SDCBP: variants seen among roughly 807,000 people sequenced by gnomAD.
The protein encoded by SDCBP is syntenin-1.
In SDCBP, 22 loss-of-function variants were observed where a neutral mutation model predicts 30.5. The observed-to-expected ratio is 0.72, with a 90% CI of 0.52 to 1.03. SDCBP has a LOEUF of 1.03. Among genes scored for constraint, SDCBP ranks in the 50% least tolerant of loss-of-function variants. The pLI, the probability that SDCBP is intolerant of heterozygous loss-of-function variation, is 0.00. For synonymous variants in SDCBP, 103 were observed against 118.7 expected (o/e 0.87, Z 0.86); for missense variants, 304 against 369.9 (o/e 0.82, Z 1.46).
At position 58,563,456 on chromosome 8, in the gene SDCBP, G is replaced by A. The variant is rs182546160; in HGVS notation, c.-15-1563G>A. 2.0e-3 allele frequency among the ~76,000 whole-genome samples: 301 copies of A among 152,098 alleles called. 1 individual carries two copies. The highest frequency in any genetic ancestry group is 6.8e-3 in the African/African-American group (281 of 41,500). ...GGAGGCATGAGTTTTCTTTTGGGGA[G>A]GATGGAAATATTCAAAGATAGGTAG... On this transcript the variant is annotated intron_variant, in intron 1 of 8. Coordinates refer to ENST00000260130, the MANE Select transcript of SDCBP (RefSeq NM_005625.4).
chr8:58,572,171 T>C (rs1805062308), intron 3 of SDCBP, 34 bp from the exon 4 acceptor site: 1 of 1,302,340 alleles, frequency 7.7e-7, no homozygotes, highest in East Asian at 2.3e-5. Context: ...GTGTATTCTG[T>C]AAGTGCTTTT....
intron 5 of SDCBP, among the ~76,000 whole-genome samples, chr8:58,576,855 G>A (rs1805363702): frequency 6.6e-6 from 1 of 152,178 alleles, no homozygotes; most frequent in South Asian, 2.1e-4. Context: ...AAAATTATAA[G>A]TGTGGTGCAC....
chr8:58,557,982 C>T (rs904806474), intron 1 of SDCBP, among the ~76,000 whole-genome samples: 1 of 152,086 alleles, frequency 6.6e-6, no homozygotes, highest in Admixed American at 6.6e-5. Flanking sequence ...TATAAAATTC[C>T]AGCCACAATT....
At chr8:58,571,335 G>C (rs537317012) in intron 3 of SDCBP, among the ~76,000 whole-genome samples, 1 of 152,184 alleles carries the variant, frequency 6.6e-6, no homozygotes, top group East Asian at 1.9e-4. Flanking sequence ...ATTGTCTTCT[G>C]TCTTTCCTAT....
At chr8:58,554,835 A>G (rs571515467) in intron 1 of SDCBP, among the ~76,000 whole-genome samples, 23 of 152,328 alleles carry the variant, frequency 1.5e-4, no homozygotes, top group African/African-American at 5.5e-4. Flanking sequence ...AGCATTTATT[A>G]ATTTCTTTTC....
intron 1 of SDCBP, among the ~76,000 whole-genome samples, chr8:58,559,595 T>C (rs987329229): frequency 6.6e-6 from 1 of 152,108 alleles, no homozygotes; most frequent in Non-Finnish European, 1.5e-5. Context: ...GTTTTTCCCT[T>C]AAGGACTGTA....
At chr8:58,553,975 T>C (rs576672338) in intron 1 of SDCBP, among the ~76,000 whole-genome samples, 7 of 152,198 alleles carry the variant, frequency 4.6e-5, no homozygotes, top group Admixed American at 1.3e-4. Flanking sequence ...CCCTGAGATA[T>C]GATGACTCAG....
At chr8:58,577,467 T>TA (rs1255539488) in intron 5 of SDCBP, among the ~76,000 whole-genome samples, 4 of 152,236 alleles carry the variant, frequency 2.6e-5, no homozygotes, top group Non-Finnish European at 5.9e-5. Flanking sequence ...GTGGATTTAA[T>TA]ATGCCCATCT....
rs1219387024 is a variant in SDCBP, at chr8:58,579,549, AT to A, written c.579-71del. The A allele has an allele frequency of 2.5e-6, 3 of 1,186,004 alleles. No individual in the cohort carries two copies. The Admixed American group carries it at 8.5e-5, about 34-fold the overall frequency. 73.5% of individuals were successfully genotyped at this position (1,186,004 alleles called of 1,614,324 possible). A position where few individuals can be genotyped will look rare whatever the true frequency, so the allele number is the denominator to read the frequency against. On this transcript the variant is annotated intron_variant, in intron 6 of 8. Coordinates refer to ENST00000260130, the MANE Select transcript of SDCBP (RefSeq NM_005625.4). ...TTATAAAAGTATCCAATATGGCAAC[AT>A]TTATGCTATATGAAATCCATTAAAA...
chr8:58,577,908 C>A lies in SDCBP; in HGVS notation c.403-125C>A, dbSNP rs566090130. The A allele has an allele frequency of 4.2e-6, 3 of 711,014 alleles. No individual in the cohort carries two copies. The African/African-American group carries it at 5.6e-5, about 13-fold the overall frequency. The allele number at this position is 711,014 out of a possible 1,614,324, so 44.0% of individuals were successfully genotyped here. A position where few individuals can be genotyped will look rare whatever the true frequency, so the allele number is the denominator to read the frequency against. On this transcript the variant is annotated intron_variant, in intron 5 of 8. Coordinates refer to ENST00000260130, the MANE Select transcript of SDCBP (RefSeq NM_005625.4). ...TACTCATATAGTTTTTCCTTTTTTTCTTTTTCTTTCTTTTTTGTCACTGGG... is the reference window on the plus strand; with the variant it reads ...TACTCATATAGTTTTTCCTTTTTTTATTTTTCTTTCTTTTTTGTCACTGGG...
intron 1 of SDCBP, among the ~76,000 whole-genome samples, chr8:58,563,279 T>C: frequency 6.6e-6 from 1 of 152,134 alleles, no homozygotes; most frequent in East Asian, 1.9e-4. Context: ...TGATACATGC[T>C]CCAACACAGA....
rs73684345 is a variant in SDCBP at position 58,563,007 on chromosome 8, G to T, written c.-15-2012G>T. 9.1e-3 allele frequency among the ~76,000 whole-genome samples: 1,380 copies of T among 152,174 alleles called. 17 individuals are homozygous for T. The highest frequency in any genetic ancestry group is 0.032 in the African/African-American group (1,315 of 41,504). On this transcript the variant is annotated intron_variant, in intron 1 of 8. Coordinates refer to ENST00000260130, the MANE Select transcript of SDCBP (RefSeq NM_005625.4). ...ATGTTGAATCCTGTAATCATCAAGG[G>T]GATGGTATTAGAGTTACCATATGAC...
chr8:58,558,776 C>T (rs1804287726), intron 1 of SDCBP, among the ~76,000 whole-genome samples: 2 of 152,148 alleles, frequency 1.3e-5, no homozygotes, highest in Non-Finnish European at 2.9e-5. Context: ...TGACCTATGC[C>T]TCAAGGCTAA....
At chr8:58,571,040 A>AAAAAAAATCTTG in intron 3 of SDCBP, 75 bp downstream of exon 3, 1 of 1,163,296 alleles carries the variant, frequency 8.6e-7, no homozygotes, top group Non-Finnish European at 1.2e-6. Flanking sequence ...AAGGAATCCA[A>AAAAAAAATCTTG]GATTTTTTTT....
chr8:58,580,639 A>G, intron 8 of SDCBP, 31 bp downstream of exon 8: 1 of 1,115,684 alleles, frequency 9.0e-7, no homozygotes, highest in Non-Finnish European at 1.4e-6. Flanking sequence ...CTTAATGCAT[A>G]TGGTCATGTG....
intron 4 of SDCBP, among the ~76,000 whole-genome samples, chr8:58,573,720 C>A (rs1178226677): frequency 6.6e-6 from 1 of 152,184 alleles, no homozygotes; most frequent in Admixed American, 6.5e-5. Flanking sequence ...AGGTGCTTGT[C>A]ATTCCAGTCA....
At chr8:58,558,292 TA>T (rs1008197951) in intron 1 of SDCBP, among the ~76,000 whole-genome samples, 2 of 152,184 alleles carry the variant, frequency 1.3e-5, no homozygotes, top group African/African-American at 4.8e-5. Context: ...AAGTTTTTTT[TA>T]TTGGTGAGAC....
At chr8:58,555,610 C>G (rs1804054812) in intron 1 of SDCBP, among the ~76,000 whole-genome samples, 1 of 152,128 alleles carries the variant, frequency 6.6e-6, no homozygotes, top group Non-Finnish European at 1.5e-5. Flanking sequence ...GGTAATTTGG[C>G]TCTGATGATT....
At chr8:58,581,424 A>G (rs772183321) in intron 8 of SDCBP, among the ~76,000 whole-genome samples, 11 of 152,140 alleles carry the variant, frequency 7.2e-5, no homozygotes, top group Non-Finnish European at 1.5e-4. Context: ...TTTTTTAAAA[A>G]TCACCATGTT....
Sources: allele counts gnomAD v4.1 joint callset (sites outside exome capture counted in the v4.1 genomes callset), GRCh38; gene constraint gnomAD v4.1.1; transcripts MANE v1.5; gene names NCBI Gene and HGNC (gene_info 2026-07-23, HGNC 2026-07-21).